Variants in USP6NL observed in about 807,000 individuals in gnomAD.
USP6NL encodes USP6 N-terminal like.
Under a neutral mutation model 61.9 loss-of-function variants are expected in USP6NL, and 26 were observed. The observed-to-expected ratio is 0.42, with a 90% confidence interval of 0.31 to 0.58. USP6NL has a LOEUF of 0.58. Ranked by LOEUF, USP6NL falls within the 20% of genes least tolerant of loss-of-function variation. The pLI, the probability that USP6NL is intolerant of heterozygous loss-of-function variation, is 0.16. For missense variants in USP6NL, 1,114 were observed against 1,034.3 expected (o/e 1.08, Z -1.06); for synonymous variants, 432 against 390.1 (o/e 1.11, Z -1.27).
In USP6NL at chr10:11,598,372, C is replaced by G. The variant is rs1838398419; in HGVS notation, c.-83-655G>C. On this transcript the variant is annotated intron_variant, in intron 1 of 14. Coordinates refer to ENST00000609104, the MANE Select transcript of USP6NL (RefSeq NM_014688.5). The surrounding 1 kb of genome is among the most constrained non-coding windows in gnomAD (Gnocchi z 4.7). The stretch of plus-strand genomic sequence containing the variant: ...TTGATACTACACATAAAATTTTGTA[C>G]TTGTTCCTTTCCACTTAAGAGCATA... Among the ~76,000 whole-genome samples, 1 of 151,972 alleles carries G rather than the reference C, an allele frequency of 6.6e-6. No individual in the cohort carries two copies.
chr10:11,584,131 T>A (rs374759781), intron 2 of USP6NL, among the ~76,000 whole-genome samples: 35 of 152,186 alleles, frequency 2.3e-4, no homozygotes, highest in South Asian at 2.3e-3. Flanking sequence ...GGGAGAATCA[T>A]CACTTGAGCC....
Position 11,589,354 on chromosome 10 carries a change from T to C in USP6NL, c.4+8277A>G, listed in dbSNP as rs1313347611. 6.6e-6 allele frequency among the ~76,000 whole-genome samples: 1 copy of C among 152,190 alleles called. No homozygotes were observed. Among genetic ancestry groups the C allele is most frequent in the Non-Finnish European group, 1.5e-5 (1 of 68,042 alleles). On this transcript the variant is annotated intron_variant, in intron 2 of 14. Transcript: ENST00000609104. This position sits in a 1 kb window ranked among gnomAD's most constrained non-coding sequence, Gnocchi z 4.7. ...CCATAATTGTCAAAAGTAAACAGTT[T>C]GCAATGCTCTTCCAACACTGGTAAT... is the stretch of plus-strand genomic sequence containing the variant.
At chr10:11,503,464 G>C (rs999154177) in intron 6 of USP6NL, among the ~76,000 whole-genome samples, 1 of 152,052 alleles carries the variant, frequency 6.6e-6, no homozygotes, top group Non-Finnish European at 1.5e-5. Context: ...TTAAAAAGTA[G>C]GAAATCTGGG....
chr10:11,466,455 C>T (rs1026710826), intron 14 of USP6NL, among the ~76,000 whole-genome samples: 1 of 152,214 alleles, frequency 6.6e-6, no homozygotes, highest in Non-Finnish European at 1.5e-5. Flanking sequence ...GAATTTGAAT[C>T]TGCCACAATA....
In USP6NL at chr10:11,499,025, G is replaced by A. The variant is rs1372460781; in HGVS notation, c.384+2076C>T. 6.6e-6 allele frequency among the ~76,000 whole-genome samples: 1 copy of A among 152,146 alleles called. No homozygotes were observed. Among genetic ancestry groups the A allele is most frequent in the Admixed American group, 6.5e-5 (1 of 15,280 alleles). ...ACAGAGCTTTATGGGGACAAGAAAGGACAAACAGGCCACCAGGGGAACTTG... is the reference window on the plus strand; with the variant it reads ...ACAGAGCTTTATGGGGACAAGAAAGAACAAACAGGCCACCAGGGGAACTTG... On this transcript the variant is annotated intron_variant, in intron 7 of 14. Transcript: ENST00000609104. This position sits in a 1 kb window ranked among gnomAD's most constrained non-coding sequence, Gnocchi z 4.5.
At chr10:11,514,417 C>A (rs1378137381) in intron 5 of USP6NL, among the ~76,000 whole-genome samples, 4 of 151,858 alleles carry the variant, frequency 2.6e-5, no homozygotes, top group Non-Finnish European at 2.9e-5. Context: ...AAAAGTTTTT[C>A]TTTTCTAGCT....
Position 11,598,240 on chromosome 10 carries a change from A to C in USP6NL, c.-83-523T>G, listed in dbSNP as rs572081186. 3.5e-4 allele frequency among the ~76,000 whole-genome samples: 54 copies of C among 152,348 alleles called. 1 individual carries two copies. In the South Asian group the frequency reaches 0.011, roughly 30 times the overall value. ...TTTAAAAACAAAAAGAATAACAATA[A>C]GGTAAACTTCTCTCATAACATATTA... On this transcript the variant is annotated intron_variant, in intron 1 of 14. Coordinates refer to ENST00000609104, the MANE Select transcript of USP6NL (RefSeq NM_014688.5). This position sits in a 1 kb window ranked among gnomAD's most constrained non-coding sequence, Gnocchi z 4.7.
At chr10:11,526,158 C>T (rs1302313102) in intron 3 of USP6NL, among the ~76,000 whole-genome samples, 2 of 150,192 alleles carry the variant, frequency 1.3e-5, no homozygotes, top group African/African-American at 2.4e-5. Context: ...GCCCAAAGTT[C>T]GGTCCACAGC....
At chr10:11,535,092 T>C (rs894430758) in intron 2 of USP6NL, among the ~76,000 whole-genome samples, 2 of 152,234 alleles carry the variant, frequency 1.3e-5, no homozygotes, top group African/African-American at 2.4e-5. Flanking sequence ...GGAGACCGTA[T>C]AGGTTAACAT....
intron 6 of USP6NL, among the ~76,000 whole-genome samples, chr10:11,508,785 T>C (rs1396516987): frequency 6.6e-6 from 1 of 152,234 alleles, no homozygotes; most frequent in Non-Finnish European, 1.5e-5. Context: ...CTTTGAATCA[T>C]GAACATTTTC....
In USP6NL at chr10:11,468,932, T is replaced by C. The variant is rs1015136158; in HGVS notation, c.1079-5083A>G. Among the ~76,000 whole-genome samples, 1 of 152,242 alleles carries C rather than the reference T, an allele frequency of 6.6e-6. No homozygotes were observed. The highest frequency in any genetic ancestry group is 1.5e-5 in the Non-Finnish European group (1 of 68,044). ...TGCAAAGGTATGTGTCATACATACG[T>C]AGGAGATTTAATTTTTTAATATAAG... On this transcript the variant is annotated intron_variant, in intron 14 of 14. Coordinates refer to ENST00000609104, the MANE Select transcript of USP6NL (RefSeq NM_014688.5). This position sits in a 1 kb window ranked among gnomAD's most constrained non-coding sequence, Gnocchi z 4.5.
At position 11,528,025 on chromosome 10, in the gene USP6NL, C is replaced by G. The variant is rs1835489227; in HGVS notation, c.5-458G>C. 6.6e-6 allele frequency among the ~76,000 whole-genome samples: 1 copy of G among 151,852 alleles called. No homozygotes were observed. Among genetic ancestry groups the G allele is most frequent in the South Asian group, 2.1e-4 (1 of 4,802 alleles). On this transcript the variant is annotated intron_variant, in intron 2 of 14. Transcript: ENST00000609104. The surrounding 1 kb of genome is among the most constrained non-coding windows in gnomAD (Gnocchi z 4.6). Reference sequence around the variant, plus strand: ...ATGATACAAATATGTCTTTGTTTAGCCTTTTAGTTCCCTTTATCAACAGCC... The same window carrying G: ...ATGATACAAATATGTCTTTGTTTAGGCTTTTAGTTCCCTTTATCAACAGCC...
chr10:11,556,141 C>T (rs1836699085), intron 2 of USP6NL, among the ~76,000 whole-genome samples: 1 of 152,104 alleles, frequency 6.6e-6, no homozygotes, highest in African/African-American at 2.4e-5. Context: ...CATAAAGCAA[C>T]AATAACCCTA....
intron 2 of USP6NL, among the ~76,000 whole-genome samples, chr10:11,555,433 A>AAAAAAAAAAAAAAAATAT (rs1275798295): frequency 2.0e-5 from 1 of 49,028 alleles, no homozygotes; most frequent in Non-Finnish European, 3.4e-5. Flanking sequence ...AAAAAAAAAA[A>AAAAAAAAAAAAAAAATAT]ATATATATAT....
At chr10:11,524,303 T>C (rs1231273029) in intron 4 of USP6NL, among the ~76,000 whole-genome samples, 1 of 152,184 alleles carries the variant, frequency 6.6e-6, no homozygotes, top group Non-Finnish European at 1.5e-5. Flanking sequence ...CACTTAATAT[T>C]TGTCCAGAAC....
chr10:11,512,251 T>A (rs572521777), intron 5 of USP6NL, among the ~76,000 whole-genome samples: 1 of 152,230 alleles, frequency 6.6e-6, no homozygotes, highest in Non-Finnish European at 1.5e-5. Flanking sequence ...TTCCCAAACA[T>A]GCTGCTAGTA....
chr10:11,543,100 A>C (rs182899261), intron 2 of USP6NL, among the ~76,000 whole-genome samples: 1 of 152,348 alleles, frequency 6.6e-6, no homozygotes. Context: ...CTGGGTATTC[A>C]ATCATTATTA....
In USP6NL at chr10:11,489,470, C is replaced by G. The variant is rs1164046504; in HGVS notation, c.544-248G>C. Among the ~76,000 whole-genome samples the G allele has an allele frequency of 6.6e-6, 1 of 152,202 alleles. No individual in the cohort carries two copies. The highest frequency in any genetic ancestry group is 1.5e-5 in the Non-Finnish European group (1 of 68,036). On this transcript the variant is annotated intron_variant, in intron 9 of 14. Transcript: ENST00000609104. This position sits in a 1 kb window ranked among gnomAD's most constrained non-coding sequence, Gnocchi z 5.7. ...TTTTTATTGGACTCGGTCTTCAATA[C>G]TGTCACACTTTCTTTAAAGAGTGAT... is the stretch of plus-strand genomic sequence containing the variant.
At position 11,561,415 on chromosome 10, in the gene USP6NL, G is replaced by A. The variant is rs1836924697; in HGVS notation, c.5-33848C>T. ...CATACCATACACAGGATACACATGTGCATACGTGCACAAGAACATATACGA... is the reference window on the plus strand; with the variant it reads ...CATACCATACACAGGATACACATGTACATACGTGCACAAGAACATATACGA... On this transcript the variant is annotated intron_variant, in intron 2 of 14. Coordinates refer to ENST00000609104, the MANE Select transcript of USP6NL (RefSeq NM_014688.5). The surrounding 1 kb of genome is among the most constrained non-coding windows in gnomAD (Gnocchi z 4.1). 1.3e-5 allele frequency among the ~76,000 whole-genome samples: 2 copies of A among 152,058 alleles called. No individual in the cohort carries two copies. Among genetic ancestry groups the A allele is most frequent in the Admixed American group, 1.3e-4 (2 of 15,270 alleles).
Sources: allele counts gnomAD v4.1 joint callset (sites outside exome capture counted in the v4.1 genomes callset), GRCh38; gene constraint gnomAD v4.1.1; non-coding constraint Gnocchi (gnomAD v3.1); transcripts MANE v1.5; gene names NCBI Gene and HGNC (gene_info 2026-07-23, HGNC 2026-07-21).